Variants in ZMIZ1 observed in about 807,000 individuals in gnomAD.
ZMIZ1 encodes zinc finger MIZ domain-containing protein 1.
ZMIZ1 carries 17 observed loss-of-function variants against 113.9 expected under a neutral mutation model. That is an observed-to-expected ratio of 0.15 (90% CI 0.10 to 0.22). The LOEUF is 0.22. Ranked by LOEUF, ZMIZ1 falls within the 10% of genes least tolerant of loss-of-function variation. The probability of loss-of-function intolerance (pLI) is 1.00; values close to 1 mark genes in which losing one functional copy is unlikely to be tolerated. For synonymous variants in ZMIZ1, 607 were observed against 603.1 expected (o/e 1.01, Z -0.09); for missense variants, 1,059 against 1,477.8 (o/e 0.72, Z 4.65).
intron 4 of ZMIZ1, among the ~76,000 whole-genome samples, chr10:79,181,257 A>G (rs1251898909): frequency 6.6e-6 from 1 of 152,104 alleles, no homozygotes; most frequent in Non-Finnish European, 1.5e-5. Context: ...TCAGGTCACC[A>G]TTCTCTTCTC....
intron 3 of ZMIZ1, among the ~76,000 whole-genome samples, chr10:79,146,786 C>T (rs371102698): frequency 6.6e-5 from 10 of 152,308 alleles, no homozygotes; most frequent in Non-Finnish European, 1.5e-4. Flanking sequence ...GCTTCCCACC[C>T]AGCAAACCCC....
At chr10:79,257,776 G>C (rs1396267320) in intron 7 of ZMIZ1, among the ~76,000 whole-genome samples, 1 of 152,198 alleles carries the variant, frequency 6.6e-6, no homozygotes, top group African/African-American at 2.4e-5. Context: ...CTGGACTCAG[G>C]TTCTATCCCT....
intron 4 of ZMIZ1, among the ~76,000 whole-genome samples, chr10:79,186,854 T>G (rs995188284): frequency 6.6e-6 from 1 of 152,186 alleles, no homozygotes; most frequent in Admixed American, 6.5e-5. Context: ...ACTGAGCATG[T>G]GGTTTTATTT....
chr10:79,164,898 A>G (rs1749823), intron 4 of ZMIZ1, among the ~76,000 whole-genome samples: 120,633 of 152,066 alleles, frequency 0.79, 48,229 homozygotes, highest in African/African-American at 0.86. Flanking sequence ...TGTTCCCTCC[A>G]GAGCCCCTTC....
chr10:79,088,659 A>G (rs1165616459), intron 1 of ZMIZ1, among the ~76,000 whole-genome samples: 2 of 152,176 alleles, frequency 1.3e-5, no homozygotes, highest in Admixed American at 6.5e-5. Context: ...GGCCAGGACT[A>G]CTGTTCCGAC....
At chr10:79,198,458 T>C (rs1309035325) in intron 4 of ZMIZ1, among the ~76,000 whole-genome samples, 2 of 152,072 alleles carry the variant, frequency 1.3e-5, no homozygotes, top group Non-Finnish European at 2.9e-5. Context: ...GGTATTTCGA[T>C]AGATAAATGA....
chr10:79,296,716 A>C lies in ZMIZ1; in HGVS notation c.1413+63A>C. ...CCCTCCTAACCACCTCACTCCCCTA[A>C]CTCCACCGGGATCACTCTGACCCTG... is the stretch of plus-strand genomic sequence containing the variant. On this transcript the variant is annotated intron_variant, in intron 13 of 24. Transcript: ENST00000334512. This position sits in a 1 kb window ranked among gnomAD's most constrained non-coding sequence, Gnocchi z 4.1. 2.1e-6 allele frequency: 3 copies of C among 1,431,828 alleles called. No individual in the cohort carries two copies. Among genetic ancestry groups the C allele is most frequent in the Non-Finnish European group, 1.9e-6 (2 of 1,066,580 alleles). The allele number at this position is 1,431,828 out of a possible 1,614,324, so 88.7% of individuals were successfully genotyped here. A position where few individuals can be genotyped will look rare whatever the true frequency, so the allele number is the denominator to read the frequency against.
intron 4 of ZMIZ1, among the ~76,000 whole-genome samples, chr10:79,194,959 TC>T (rs1847772052): frequency 6.6e-6 from 1 of 152,084 alleles, no homozygotes; most frequent in South Asian, 2.1e-4. Context: ...TCCAAAAACT[TC>T]CATTTGCCCA....
chr10:79,298,993 C>T, intron 15 of ZMIZ1, 57 bp from the exon 16 acceptor site: 1 of 1,562,518 alleles, frequency 6.4e-7, no homozygotes. Flanking sequence ...CACCTACAGC[C>T]CCAGAACCCA....
At position 79,127,015 on chromosome 10, in the gene ZMIZ1, A is replaced by G. The variant is rs1589304229; in HGVS notation, c.-227+7991A>G. On this transcript the variant is annotated intron_variant, in intron 2 of 24. Transcript: ENST00000334512. ...CTGGGGCAGCCCCCACTACAGACTA[A>G]GGACCTGGGTCCCAGGATAAAATGA... 3.3e-5 allele frequency among the ~76,000 whole-genome samples: 5 copies of G among 152,340 alleles called. 1 individual carries two copies.
rs559780611 is a variant in ZMIZ1, at chr10:79,315,370, C to T, written c.*2621C>T. 6.5e-6 allele frequency: 1 copy of T among 152,928 alleles called. No individual in the cohort carries two copies. The highest frequency in any genetic ancestry group is 1.9e-4 in the East Asian group (1 of 5,314). The allele number at this position is 152,928 out of a possible 1,614,324, so 9.5% of individuals were successfully genotyped here. A position where few individuals can be genotyped will look rare whatever the true frequency, so the allele number is the denominator to read the frequency against. On this transcript the variant is annotated 3_prime_UTR_variant, in exon 25 of 25. Coordinates refer to ENST00000334512, the MANE Select transcript of ZMIZ1 (RefSeq NM_020338.4). ...GACAACGCCCATAAACAGAGATGGTCCTGAACTCTGGAGAGATCCTTCCCT... is the reference window on the plus strand; with the variant it reads ...GACAACGCCCATAAACAGAGATGGTTCTGAACTCTGGAGAGATCCTTCCCT...
intron 1 of ZMIZ1, among the ~76,000 whole-genome samples, chr10:79,110,122 C>T (rs1179339888): frequency 6.6e-6 from 1 of 152,246 alleles, no homozygotes; most frequent in African/African-American, 2.4e-5. Flanking sequence ...ACCCTCTGGC[C>T]TTGGGATGTG....
chr10:79,073,412 T>C (rs1222429857), intron 1 of ZMIZ1, among the ~76,000 whole-genome samples: 2 of 152,208 alleles, frequency 1.3e-5, no homozygotes, highest in Non-Finnish European at 2.9e-5. Context: ...CAGCTGATTG[T>C]CCAGTCTTGG....
intron 1 of ZMIZ1, among the ~76,000 whole-genome samples, chr10:79,089,331 A>G (rs1279473366): frequency 6.6e-6 from 1 of 152,226 alleles, no homozygotes; most frequent in Non-Finnish European, 1.5e-5. Context: ...TGCAAACACA[A>G]ATTGTGGAAG....
At chr10:79,219,749 T>C (rs1848885483) in intron 7 of ZMIZ1, among the ~76,000 whole-genome samples, 1 of 152,182 alleles carries the variant, frequency 6.6e-6, no homozygotes, top group Non-Finnish European at 1.5e-5. Flanking sequence ...CTCCCAGGGA[T>C]GAATTCTCAG....
At chr10:79,266,376 C>T (rs920019733) in intron 7 of ZMIZ1, among the ~76,000 whole-genome samples, 2 of 152,212 alleles carry the variant, frequency 1.3e-5, no homozygotes, top group African/African-American at 4.8e-5. Flanking sequence ...TTGAATCACC[C>T]CTTCTTGGGC....
chr10:79,269,475 A>ACACACACACG (rs1418037100), intron 7 of ZMIZ1, among the ~76,000 whole-genome samples: 49 of 142,822 alleles, frequency 3.4e-4, no homozygotes, highest in Admixed American at 7.1e-4. Context: ...ACACACACAC[A>ACACACACACG]CACACACACA....
At chr10:79,108,865 C>G (rs910935071) in intron 1 of ZMIZ1, among the ~76,000 whole-genome samples, 2 of 151,934 alleles carry the variant, frequency 1.3e-5, no homozygotes, top group African/African-American at 2.4e-5. Context: ...CTGCCTGGCT[C>G]CTGGGGCTGA....
rs1471856889 is a variant in ZMIZ1 at position 79,216,101 on chromosome 10, GCAAA to G, written c.175-67_175-64del. ...CTTGCCCACCTCACCCACTTCACCT[GCAAA>G]ATGGGCATATCCATTGGCTCTGGGC... On this transcript the variant is annotated intron_variant, in intron 6 of 24. Coordinates refer to ENST00000334512, the MANE Select transcript of ZMIZ1 (RefSeq NM_020338.4). 1.9e-4 allele frequency: 225 copies of G among 1,213,234 alleles called. No homozygotes were observed. In the African/African-American group the frequency reaches 3.4e-3, roughly 18 times the overall value. 75.2% of individuals were successfully genotyped at this position (1,213,234 alleles called of 1,614,324 possible). A position where few individuals can be genotyped will look rare whatever the true frequency, so the allele number is the denominator to read the frequency against.
Sources: allele counts gnomAD v4.1 joint callset (sites outside exome capture counted in the v4.1 genomes callset), GRCh38; gene constraint gnomAD v4.1.1; non-coding constraint Gnocchi (gnomAD v3.1); transcripts MANE v1.5; gene names NCBI Gene and HGNC (gene_info 2026-07-23, HGNC 2026-07-21).